WRAP73: variants seen among roughly 807,000 people sequenced by gnomAD.
WRAP73 encodes the protein WD repeat-containing protein WRAP73.
In WRAP73, 55 loss-of-function variants were observed where a neutral mutation model predicts 59.6. The observed-to-expected ratio is 0.92, with a 90% CI of 0.74 to 1.15. The LOEUF is 1.15. Among genes scored for constraint, WRAP73 ranks in the 50% most tolerant of loss-of-function variants. The pLI is 0.00. For missense variants in WRAP73, 592 were observed against 608.1 expected (o/e 0.97, Z 0.28); for synonymous variants, 265 against 258.2 (o/e 1.03, Z -0.25).
Position 3,635,523 on chromosome 1 carries a change from G to A in WRAP73, c.604-229C>T. On this transcript the variant is annotated intron_variant, in intron 6 of 11. Transcript: ENST00000270708. The stretch of plus-strand genomic sequence containing the variant: ...TGGGAGGTCAACCTAATGGCTCGCT[G>A]ATAAAAGTTCAACTCGGCCGGGCAC... The A allele has an allele frequency of 4.9e-6, 3 of 608,558 alleles. No individual in the cohort carries two copies. The Admixed American group carries it at 9.4e-5, about 19-fold the overall frequency. The allele number at this position is 608,558 out of a possible 1,614,324, so 37.7% of individuals were successfully genotyped here. A position where few individuals can be genotyped will look rare whatever the true frequency, so the allele number is the denominator to read the frequency against.
chr1:3,649,895 G>A (rs775805800), intron 1 of WRAP73, 36 bp downstream of exon 1: 2 of 1,574,982 alleles, frequency 1.3e-6, no homozygotes, highest in South Asian at 2.3e-5. Flanking sequence ...TGGCACCGAG[G>A]ATGTCCTGCC....
rs1416995131 is a variant in WRAP73 at position 3,633,299 on chromosome 1, T to G, written c.922+99A>C. 21 of 861,406 alleles carry G rather than the reference T, an allele frequency of 2.4e-5. No individual in the cohort carries two copies. In the East Asian group the frequency reaches 4.7e-4, roughly 19 times the overall value. 53.4% of individuals were successfully genotyped at this position (861,406 alleles called of 1,614,324 possible). A position where few individuals can be genotyped will look rare whatever the true frequency, so the allele number is the denominator to read the frequency against. ...CTGGAAGCATGGAAGGGAAAAAAAG[T>G]TTTTTTTTTTAAACATAAGGAACAT... On this transcript the variant is annotated intron_variant, in intron 9 of 11. Coordinates refer to ENST00000270708, the MANE Select transcript of WRAP73 (RefSeq NM_017818.4).
chr1:3,641,253 C>T (rs781735507), intron 3 of WRAP73, among the ~76,000 whole-genome samples: 4 of 147,146 alleles, frequency 2.7e-5, no homozygotes, highest in Non-Finnish European at 6.0e-5. Flanking sequence ...GTGCTGAAGA[C>T]GGAAGGAACG....
chr1:3,632,268 G>A lies in WRAP73; in HGVS notation c.993C>T (p.Ile331=), dbSNP rs2760320. ...GACTAAATGCCAGCATTCCTATGCCGATTTTCGGGTTTGCTCTGTCGGTAA... is the reference window on the plus strand; with the variant it reads ...GACTAAATGCCAGCATTCCTATGCCAATTTTCGGGTTTGCTCTGTCGGTAA... ...KPVTDRANPK[I]GIGMLAFSPD... is the part of the protein sequence containing the mutation. The change falls in exon 10 of 12, where the codon ATC becomes ATT. Residue 331 remains isoleucine (I), a synonymous_variant. Transcript: ENST00000270708. 1.9e-6 allele frequency: 3 copies of A among 1,614,106 alleles called. No individual in the cohort carries two copies. The highest frequency in any genetic ancestry group is 2.2e-5 in the South Asian group (2 of 91,086).
chr1:3,635,520 G>A (rs1005087573), intron 6 of WRAP73: 3 of 609,190 alleles, frequency 4.9e-6, no homozygotes, highest in Non-Finnish European at 8.4e-6. Context: ...CTAATGGCTC[G>A]CTGATAAAAG....
chr1:3,632,773 T>C, intron 9 of WRAP73: 1 of 260,748 alleles, frequency 3.8e-6, no homozygotes, highest in Non-Finnish European at 7.5e-6. Context: ...GCAGGGGCTG[T>C]GGAACAAGGA....
chr1:3,640,709 C>G (rs1012923466), intron 3 of WRAP73, among the ~76,000 whole-genome samples: 1 of 151,736 alleles, frequency 6.6e-6, no homozygotes, highest in East Asian at 2.0e-4. Context: ...GGTGCAGCAA[C>G]GGAGCATCTC....
intron 6 of WRAP73, chr1:3,635,717 A>ACCC (rs1644583388): frequency 1.1e-5 from 6 of 530,182 alleles, no homozygotes; most frequent in Non-Finnish European, 2.0e-5. Context: ...GCTACTTGGG[A>ACCC]GGCTGAGGTA....
At chr1:3,635,450 T>A in intron 6 of WRAP73, 156 bp from the exon 7 acceptor site, 1 of 969,556 alleles carries the variant, frequency 1.0e-6, no homozygotes, top group Non-Finnish European at 1.5e-6. Flanking sequence ...CAGCTAGTAC[T>A]GAGATAGTCA....
chr1:3,632,538 G>A, intron 9 of WRAP73, 200 bp from the exon 10 acceptor site: 1 of 769,388 alleles, frequency 1.3e-6, no homozygotes, highest in Non-Finnish European at 2.1e-6. Context: ...TGCCCCGGAT[G>A]AGAGTGGCAC....
intron 9 of WRAP73, chr1:3,633,025 G>T (rs1644553671): frequency 3.7e-6 from 1 of 271,362 alleles, no homozygotes; most frequent in South Asian, 3.5e-5. Flanking sequence ...ATCAGAACCG[G>T]GCCTCAAGCC....
chr1:3,633,298 G>GTTT, intron 9 of WRAP73, 100 bp downstream of exon 9: 6 of 1,010,838 alleles, frequency 5.9e-6, no homozygotes, highest in Non-Finnish European at 8.6e-6. Flanking sequence ...GGGAAAAAAA[G>GTTT]TTTTTTTTTT....
At chr1:3,634,433 G>T in intron 8 of WRAP73, 1 of 167,518 alleles carries the variant, frequency 6.0e-6, no homozygotes, top group Non-Finnish European at 1.3e-5. Context: ...ACTCCTCGGG[G>T]CCTTTGCATT....
chr1:3,635,953 G>C lies in WRAP73; in HGVS notation c.594C>G (p.Thr198=). The change falls in exon 6 of 12, where the codon ACC becomes ACG. Residue 198 remains threonine (T), a synonymous_variant. Transcript: ENST00000270708. The part of the protein sequence containing the change: ...PNGCVLAVWD[T]CLEYKILLYS... ...CTGGTCATCTTCATACCTCCAAGCA[G>C]GTGTCCCACACTGCCAGCACACAGC... 1 of 1,613,950 alleles carries C rather than the reference G, an allele frequency of 6.2e-7. No individual in the cohort carries two copies. The highest frequency in any genetic ancestry group is 8.5e-7 in the Non-Finnish European group (1 of 1,179,928).
chr1:3,649,864 G>A, intron 1 of WRAP73, 67 bp downstream of exon 1: 3 of 1,525,526 alleles, frequency 2.0e-6, no homozygotes, highest in Non-Finnish European at 2.6e-6. Flanking sequence ...GGCCGCCCCC[G>A]GCCCTGCCCG....
rs1570302183 is a variant in WRAP73 at position 3,639,226 on chromosome 1, A to C, written c.340-404T>G. 1 of 193,722 alleles carries C rather than the reference A, an allele frequency of 5.2e-6. No individual in the cohort carries two copies. The highest frequency in any genetic ancestry group is 1.1e-5 in the Non-Finnish European group (1 of 94,584). 12.0% of individuals were successfully genotyped at this position (193,722 alleles called of 1,614,324 possible). A position where few individuals can be genotyped will look rare whatever the true frequency, so the allele number is the denominator to read the frequency against. On this transcript the variant is annotated intron_variant, in intron 3 of 11. Coordinates refer to ENST00000270708, the MANE Select transcript of WRAP73 (RefSeq NM_017818.4). This position sits in a 1 kb window ranked among gnomAD's most constrained non-coding sequence, Gnocchi z 4.3. Reference sequence around the variant, plus strand: ...GAGGATCTGGAGATTGGATGCAGCCACTCCGGGACTCACCAGGGGGCTGTG... The same window carrying C: ...GAGGATCTGGAGATTGGATGCAGCCCCTCCGGGACTCACCAGGGGGCTGTG...
At chr1:3,636,549 T>C (rs556978980) in intron 5 of WRAP73, 38 of 340,964 alleles carry the variant, frequency 1.1e-4, no homozygotes, top group African/African-American at 6.4e-4. Context: ...TCTGACAGCA[T>C]TCCAGAGGTT....
At chr1:3,641,447 C>T (rs892360518) in intron 3 of WRAP73, among the ~76,000 whole-genome samples, 1 of 152,208 alleles carries the variant, frequency 6.6e-6, no homozygotes, top group Non-Finnish European at 1.5e-5. Context: ...TGATCCACCC[C>T]ACAACCCAGC....
At chr1:3,647,703 A>G in intron 1 of WRAP73, 143 bp from the exon 2 acceptor site, 1 of 842,888 alleles carries the variant, frequency 1.2e-6, no homozygotes, top group Non-Finnish European at 1.8e-6. Context: ...TGACATCCCC[A>G]GCCCCTAAAG....
Sources: allele counts gnomAD v4.1 joint callset (sites outside exome capture counted in the v4.1 genomes callset), GRCh38; gene constraint gnomAD v4.1.1; non-coding constraint Gnocchi (gnomAD v3.1); transcripts MANE v1.5; gene names NCBI Gene and HGNC (gene_info 2026-07-23, HGNC 2026-07-21).